The following ABR variants were observed in gnomAD, a reference collection of about 807,000 sequenced individuals.
ABR encodes active breakpoint cluster region-related protein.
In ABR, 35 loss-of-function variants were observed where a neutral mutation model predicts 107.2. The ratio of observed to expected loss-of-function variants is 0.33; its 90% CI spans 0.25 to 0.43. The LOEUF is 0.43. Among genes scored for constraint, ABR ranks in the 20% least tolerant of loss-of-function variants. The pLI, the probability that ABR is intolerant of heterozygous loss-of-function variation, is 1.00. For missense variants in ABR, 815 were observed against 1,115.2 expected, an observed-to-expected ratio of 0.73 and a Z score of 3.83; for synonymous variants, 498 against 462.0, an observed-to-expected ratio of 1.08 and a Z score of -1.00.
intron 1 of ABR, among the ~76,000 whole-genome samples, chr17:1,158,776 G>T (rs1192510468): frequency 6.6e-6 from 1 of 151,656 alleles, no homozygotes; most frequent in East Asian, 1.9e-4. Context: ...AAAAAAAAAG[G>T]AATCAAAAGT....
chr17:1,031,480 G>A (rs1194231058), intron 16 of ABR: 1 of 680,352 alleles, frequency 1.5e-6, no homozygotes. Flanking sequence ...CTCTGTCCCG[G>A]GACTCCACGG....
chr17:1,050,020 C>T lies in ABR; in HGVS notation c.1791+30G>A, dbSNP rs775203256. 18 of 1,600,616 alleles carry T rather than the reference C, an allele frequency of 1.1e-5. No homozygotes were observed. The Admixed American group carries it at 3.0e-4, about 27-fold the overall frequency. On this transcript the variant is annotated intron_variant, in intron 16 of 22. Coordinates refer to ENST00000302538, the MANE Select transcript of ABR (RefSeq NM_021962.5). This position sits in a 1 kb window ranked among gnomAD's most constrained non-coding sequence, Gnocchi z 4.6. ...ACTGGAACCACCTCCTGGAGGCTCC[C>T]TCAGCCTCGCCCCGGCGCCCTGGCC...
intron 1 of ABR, among the ~76,000 whole-genome samples, chr17:1,161,248 C>CTT (rs562909391): frequency 2.1e-5 from 3 of 141,996 alleles, no homozygotes; most frequent in African/African-American, 7.7e-5. Context: ...CAAGTCCAGT[C>CTT]TTTTTTTTTT....
chr17:1,072,615 T>C lies in ABR; in HGVS notation c.893A>G (p.Glu298Gly). 1 of 1,604,112 alleles carries C rather than the reference T, an allele frequency of 6.2e-7. No homozygotes were observed. The highest frequency in any genetic ancestry group is 1.7e-5 in the Admixed American group (1 of 57,718). ...GGCCGTGCCGGGCTCTGAGCTCACC[T>C]CCCCCTTGGGCGTTGTCACTGCAGT... is the stretch of plus-strand genomic sequence containing the variant. ...RRTAVTTPKG[E>G]TRQLVKDGFL... Residue 298 changes from glutamate to glycine, a missense_variant and splice_region_variant, in exon 8 of 23, where the codon GAG (glutamate) becomes GGG (glycine). Coordinates refer to ENST00000302538, the MANE Select transcript of ABR (RefSeq NM_021962.5).
chr17:1,201,191 G>A (rs1057166373), intron 1 of ABR, among the ~76,000 whole-genome samples: 1 of 152,146 alleles, frequency 6.6e-6, no homozygotes, highest in African/African-American at 2.4e-5. Flanking sequence ...TCACGGGGCC[G>A]GTGTCCACGA....
chr17:1,217,245 C>A (rs184862240), intron 1 of ABR, among the ~76,000 whole-genome samples: 15 of 152,206 alleles, frequency 9.9e-5, no homozygotes, highest in South Asian at 2.1e-4. Context: ...ACCGTCCCCC[C>A]CAAGGCTGCA....
At chr17:1,109,231 G>GCTC in intron 2 of ABR, 1 of 962,486 alleles carries the variant, frequency 1.0e-6, no homozygotes, top group East Asian at 3.3e-5. Context: ...AGTCCAGCCC[G>GCTC]CTCCGCCGCC....
chr17:1,218,503 G>A (rs540378697), intron 1 of ABR, among the ~76,000 whole-genome samples: 12 of 152,312 alleles, frequency 7.9e-5, no homozygotes, highest in African/African-American at 2.6e-4. Flanking sequence ...CCCAGAAAGA[G>A]CTGTGTTCCA....
chr17:1,108,977 G>A (rs1169197794), intron 2 of ABR: 1 of 1,597,484 alleles, frequency 6.3e-7, no homozygotes, highest in Non-Finnish European at 8.5e-7. Flanking sequence ...GGGGCTGGTC[G>A]GGGTTCCCAG....
rs965930124 is a variant in ABR at position 1,148,942 on chromosome 17, C to A, written c.62-23575G>T. On this transcript the variant is annotated intron_variant, in intron 1 of 22. Transcript: ENST00000302538. The surrounding 1 kb of genome is among the most constrained non-coding windows in gnomAD (Gnocchi z 4.9). ...TTTGAGACAGAGTCTCACTCTGTCA[C>A]CCAGGCTGGAGTGCAGTGGCGCCAT... Among the ~76,000 whole-genome samples the A allele has an allele frequency of 6.6e-6, 1 of 151,980 alleles. No homozygotes were observed. Among genetic ancestry groups the A allele is most frequent in the Non-Finnish European group, 1.5e-5 (1 of 68,012 alleles).
In ABR at chr17:1,196,989, C is replaced by G. The variant is rs185124479; in HGVS notation, c.838+31804G>C. ...GATGACAGGCGTGAGCCACCGCACCCGGCCAAGATCCGCCTTCCTAAGGAA... is the reference window on the plus strand; with the variant it reads ...GATGACAGGCGTGAGCCACCGCACCGGGCCAAGATCCGCCTTCCTAAGGAA... On this transcript the variant is annotated intron_variant, in intron 1 of 22. Coordinates refer to the ABR transcript ENST00000574139. 2.4e-3 allele frequency among the ~76,000 whole-genome samples: 371 copies of G among 151,592 alleles called. 24 individuals are homozygous for G. Among genetic ancestry groups the G allele is most frequent in the African/African-American group, 8.7e-3 (358 of 40,924 alleles).
chr17:1,160,598 C>T (rs953354364), intron 1 of ABR, among the ~76,000 whole-genome samples: 5 of 152,314 alleles, frequency 3.3e-5, no homozygotes, highest in Admixed American at 6.5e-5. Flanking sequence ...GCCAGGGGTA[C>T]GACGGAGCAG....
chr17:1,222,338 T>G (rs1352292860), intron 1 of ABR, among the ~76,000 whole-genome samples: 1 of 152,166 alleles, frequency 6.6e-6, no homozygotes, highest in Non-Finnish European at 1.5e-5. Flanking sequence ...GTGCTGGGAT[T>G]ACAGGCGTAC....
chr17:1,111,148 G>A (rs1302390389), intron 2 of ABR, among the ~76,000 whole-genome samples: 2 of 152,170 alleles, frequency 1.3e-5, no homozygotes, highest in East Asian at 3.9e-4. Context: ...CCCCTGCTGT[G>A]TTCCTTCCTC....
upstream of ABR, among the ~76,000 whole-genome samples, chr17:1,184,719 T>C (rs771046456): frequency 2.7e-4 from 41 of 150,694 alleles, no homozygotes; most frequent in Non-Finnish European, 3.4e-4. Flanking sequence ...TGGAGTGCAG[T>C]GGGCATTCTC....
In ABR at chr17:1,113,998, C is replaced by A. The variant is rs148283662; in HGVS notation, c.246+11185G>T. Among the ~76,000 whole-genome samples, 1,161 of 151,418 alleles carry A rather than the reference C, an allele frequency of 7.7e-3. 20 individuals are homozygous for A. The highest frequency in any genetic ancestry group is 0.027 in the African/African-American group (1,111 of 41,230). On this transcript the variant is annotated intron_variant, in intron 2 of 22. Coordinates refer to ENST00000302538, the MANE Select transcript of ABR (RefSeq NM_021962.5). ...GCTGGGCAACATGGCAAGACCTCAT[C>A]TCTATAAAAATTTTAAAAAATAATT...
chr17:1,108,971 CT>C, intron 2 of ABR: 1 of 1,597,610 alleles, frequency 6.3e-7, no homozygotes, highest in Non-Finnish European at 8.5e-7. Context: ...TGAGCCGGGG[CT>C]GGTCGGGGTT....
At chr17:1,174,972 A>G (rs1231002654) in intron 1 of ABR, among the ~76,000 whole-genome samples, 2 of 152,096 alleles carry the variant, frequency 1.3e-5, no homozygotes, top group African/African-American at 4.8e-5. Flanking sequence ...CTCCACCCCC[A>G]TTTTGGGCTA....
chr17:1,056,871 G>C, intron 13 of ABR, 127 bp downstream of exon 13: 1 of 654,008 alleles, frequency 1.5e-6, no homozygotes, highest in Non-Finnish European at 2.8e-6. Flanking sequence ...CCACTCAACA[G>C]TCTCAGCACA....
Sources: allele counts gnomAD v4.1 joint callset (sites outside exome capture counted in the v4.1 genomes callset), GRCh38; gene constraint gnomAD v4.1.1; non-coding constraint Gnocchi (gnomAD v3.1); transcripts MANE v1.5; gene names NCBI Gene and HGNC (gene_info 2026-07-23, HGNC 2026-07-21).